The following DNM3 variants were observed in gnomAD, a reference collection of about 807,000 sequenced individuals.
DNM3 encodes the protein dynamin 3.
A neutral mutation model predicts 101.6 loss-of-function variants in DNM3; 47 were observed. The ratio of observed to expected loss-of-function variants is 0.46; its 90% CI spans 0.37 to 0.59. The LOEUF (loss-of-function observed/expected upper bound fraction) is 0.59. Among genes scored for constraint, DNM3 ranks in the 20% least tolerant of loss-of-function variants. DNM3 has a pLI of 0.00. For missense variants in DNM3, 849 were observed against 1,085.7 expected (o/e 0.78, Z 3.06); for synonymous variants, 385 against 387.9 (o/e 0.99, Z 0.09).
rs1475307590 is a variant in DNM3, at chr1:172,048,724, A to G, written c.1309A>G (p.Asn437Asp). 1 of 1,613,254 alleles carries G rather than the reference A, an allele frequency of 6.2e-7. No homozygotes were observed. The highest frequency in any genetic ancestry group is 1.1e-5 in the South Asian group (1 of 90,892). ...SVDLVIQELI[N>D]TVKKCTKKLA... The stretch of plus-strand genomic sequence containing the variant: ...GGATCTGGTAATACAAGAATTAATC[A>G]ACACTGTGAAGAAGTGTACCAAAAA... Residue 437 changes from asparagine to aspartate, a missense_variant, in exon 10 of 21, where the codon AAC becomes GAC. Asn to Asp is a conservative substitution (Grantham distance 23). Transcript: ENST00000627582.
chr1:172,243,275 C>CT (rs960759320), intron 14 of DNM3, among the ~76,000 whole-genome samples: 8 of 152,036 alleles, frequency 5.3e-5, no homozygotes, highest in African/African-American at 1.9e-4. Context: ...TTATAAAGTA[C>CT]TTTTTTTAGT....
At chr1:172,362,697 G>A (rs1021325560) in intron 17 of DNM3, among the ~76,000 whole-genome samples, 3 of 151,772 alleles carry the variant, frequency 2.0e-5, no homozygotes, top group African/African-American at 4.8e-5. Context: ...AACTTTCACA[G>A]TATGACTTAT....
Position 172,293,062 on chromosome 1 carries a change from T to G in DNM3, c.1770-15666T>G, listed in dbSNP as rs142804246. On this transcript the variant is annotated intron_variant, in intron 15 of 20. Coordinates refer to ENST00000627582, the MANE Select transcript of DNM3 (RefSeq NM_015569.5). ...CTCCCTGGAGGCCAGTTTGGGAATC[T>G]GCATTAAATGCCTTAATTAGGTGCA... is the stretch of plus-strand genomic sequence containing the variant. 2.3e-3 allele frequency among the ~76,000 whole-genome samples: 357 copies of G among 152,326 alleles called. 2 individuals carry two copies. Among genetic ancestry groups the G allele is most frequent in the African/African-American group, 8.2e-3 (340 of 41,574 alleles).
At chr1:171,987,399 C>A in intron 2 of DNM3, 1 of 841,352 alleles carries the variant, frequency 1.2e-6, no homozygotes, top group Non-Finnish European at 1.4e-6. Context: ...ATTTAATAGG[C>A]TAGATGGTTT....
At chr1:172,166,008 G>T (rs1339368376) in intron 14 of DNM3, among the ~76,000 whole-genome samples, 1 of 151,892 alleles carries the variant, frequency 6.6e-6, no homozygotes, top group Non-Finnish European at 1.5e-5. Context: ...TTTCCCCCTG[G>T]CCAGCTTAGA....
intron 13 of DNM3, among the ~76,000 whole-genome samples, chr1:172,094,824 C>G (rs1433580807): frequency 2.6e-5 from 4 of 152,120 alleles, no homozygotes; most frequent in Non-Finnish European, 4.4e-5. Context: ...GCCTGCAATG[C>G]CCAGATTGTG....
intron 6 of DNM3, among the ~76,000 whole-genome samples, chr1:172,033,953 T>A (rs1447867987): frequency 6.6e-6 from 1 of 152,164 alleles, no homozygotes; most frequent in Non-Finnish European, 1.5e-5. Flanking sequence ...GCCTCCTCCC[T>A]GAGTTTTGAT....
chr1:172,145,398 C>T (rs1181287599), intron 14 of DNM3, among the ~76,000 whole-genome samples: 3 of 150,856 alleles, frequency 2.0e-5, no homozygotes, highest in Admixed American at 6.6e-5. Flanking sequence ...CCTTCCCTCC[C>T]GCTCTCTCTC....
rs116057012 is a variant in DNM3 at position 172,366,216 on chromosome 1, G to C, written c.1894-12802G>C. On this transcript the variant is annotated intron_variant, in intron 17 of 20. Transcript: ENST00000627582. The stretch of plus-strand genomic sequence containing the variant: ...ACTGCAGCCTGGGCAACAGAGCGAG[G>C]CCCTTTTTCTAAAAAAAGTAAAAAA... 4.2e-3 allele frequency among the ~76,000 whole-genome samples: 643 copies of C among 151,900 alleles called. 2 individuals are homozygous for C. The highest frequency in any genetic ancestry group is 0.015 in the African/African-American group (616 of 41,462).
chr1:172,347,696 T>C (rs1330849644), intron 17 of DNM3, among the ~76,000 whole-genome samples: 1 of 152,228 alleles, frequency 6.6e-6, no homozygotes, highest in Non-Finnish European at 1.5e-5. Flanking sequence ...AGATGAGTTC[T>C]AACATGTTCT....
At chr1:171,949,538 T>G (rs942708108) in intron 2 of DNM3, among the ~76,000 whole-genome samples, 3 of 152,074 alleles carry the variant, frequency 2.0e-5, no homozygotes, top group Admixed American at 1.3e-4. Context: ...GCCTCCTGAA[T>G]ATATGGGACC....
At chr1:172,180,386 C>G (rs1490253372) in intron 14 of DNM3, among the ~76,000 whole-genome samples, 1 of 152,012 alleles carries the variant, frequency 6.6e-6, no homozygotes, top group African/African-American at 2.4e-5. Flanking sequence ...CACAAGGAAA[C>G]TAAAGCCAAA....
At chr1:171,894,480 C>G (rs2037593136) in intron 1 of DNM3, among the ~76,000 whole-genome samples, 1 of 152,062 alleles carries the variant, frequency 6.6e-6, no homozygotes, top group African/African-American at 2.4e-5. Flanking sequence ...TCTCGGCTCA[C>G]TGCAACCTCC....
intron 14 of DNM3, among the ~76,000 whole-genome samples, chr1:172,157,863 C>G (rs538592292): frequency 6.6e-6 from 1 of 151,770 alleles, no homozygotes; most frequent in East Asian, 1.9e-4. Context: ...GGAAACAATC[C>G]CTCACAGACA....
rs1225314647 is a variant in DNM3, at chr1:171,897,601, A to AAT, written c.162-24147_162-24146insAT. Reference sequence around the variant, plus strand: ...GTTTCTTTTGTTGAAAACCTAGATTAGTACATGCTATGCCATAGTGAATGC... The same window carrying AAT: ...GTTTCTTTTGTTGAAAACCTAGATTAATGTACATGCTATGCCATAGTGAATGC... On this transcript the variant is annotated intron_variant, in intron 1 of 20. Transcript: ENST00000627582. Among the ~76,000 whole-genome samples the AAT allele has an allele frequency of 3.9e-5, 6 of 152,350 alleles. No homozygotes were observed. In the East Asian group the frequency reaches 1.2e-3, roughly 29 times the overall value.
chr1:172,246,755 A>G (rs763776979), intron 14 of DNM3, among the ~76,000 whole-genome samples: 3 of 152,068 alleles, frequency 2.0e-5, no homozygotes, highest in Non-Finnish European at 4.4e-5. Context: ...AGCATGATGA[A>G]TATGTATGGT....
Position 172,172,668 on chromosome 1 carries a change from A to C in DNM3, c.1659+41380A>C, listed in dbSNP as rs144734077. On this transcript the variant is annotated intron_variant, in intron 14 of 20. Coordinates refer to ENST00000627582, the MANE Select transcript of DNM3 (RefSeq NM_015569.5). ...TGCTGAGTTGGTGGGTCATGTGACC[A>C]ATAGAGAAGGGTACAGTTCTATGTA... Among the ~76,000 whole-genome samples, 1,303 of 151,844 alleles carry C rather than the reference A, an allele frequency of 8.6e-3. 26 individuals are homozygous for C. Among genetic ancestry groups the C allele is most frequent in the African/African-American group, 0.029 (1,216 of 41,510 alleles).
chr1:171,976,644 G>A (rs951438877), intron 2 of DNM3, among the ~76,000 whole-genome samples: 1 of 152,160 alleles, frequency 6.6e-6, no homozygotes, highest in African/African-American at 2.4e-5. Context: ...CATTTAAGGA[G>A]CTTACCAAAA....
At chr1:172,007,182 G>T (rs1006939258) in intron 4 of DNM3, among the ~76,000 whole-genome samples, 2 of 152,054 alleles carry the variant, frequency 1.3e-5, no homozygotes, top group African/African-American at 4.8e-5. Flanking sequence ...CCTAAGAGAG[G>T]AATTGCACAT....
Sources: gnomAD v4.1 joint callset for allele counts (sites outside exome capture counted in the v4.1 genomes callset) on GRCh38, gnomAD v4.1.1 for gene constraint, MANE v1.5 for transcripts, NCBI Gene and HGNC (gene_info 2026-07-23, HGNC 2026-07-21) for gene names.